C1QTNF3: variants seen among roughly 807,000 people sequenced by gnomAD.
The protein encoded by C1QTNF3 is C1q and TNF related 3, also known as complement C1q tumor necrosis factor-related protein 3.
Under a neutral mutation model 32.6 loss-of-function variants are expected in C1QTNF3, and 26 were observed. The observed-to-expected ratio is 0.80, with a 90% CI of 0.58 to 1.11. The LOEUF (loss-of-function observed/expected upper bound fraction) is 1.11, where lower values mean the gene tolerates loss of function less well. Among genes scored for constraint, C1QTNF3 ranks in the 50% least tolerant of loss-of-function variants. The pLI is 0.00. For synonymous variants in C1QTNF3, 155 were observed against 146.0 expected, an observed-to-expected ratio of 1.06 and a Z score of -0.44; for missense variants, 362 against 398.2, an observed-to-expected ratio of 0.91 and a Z score of 0.77.
At chr5:34,062,904 G>A in the C1QTNF3 span, among the ~76,000 whole-genome samples, 1 of 152,328 alleles carries the variant, frequency 6.6e-6, no homozygotes, top group African/African-American at 2.4e-5. Flanking sequence ...CTGGTGAGGT[G>A]TGCTCCCAAT....
chr5:34,059,632 C>G, the C1QTNF3 span, among the ~76,000 whole-genome samples: 2 of 152,154 alleles, frequency 1.3e-5, no homozygotes. Flanking sequence ...CCCTCATGAC[C>G]TAATCACCTC....
chr5:34,114,651 T>G, the C1QTNF3 span, among the ~76,000 whole-genome samples: 1 of 152,182 alleles, frequency 6.6e-6, no homozygotes, highest in Non-Finnish European at 1.5e-5. Flanking sequence ...GCTTTTCCTT[T>G]TTGCTCAATT....
chr5:34,138,389 C>A, the C1QTNF3 span, among the ~76,000 whole-genome samples: 5 of 152,024 alleles, frequency 3.3e-5, no homozygotes, highest in Admixed American at 6.6e-5. Context: ...CCATAAATTA[C>A]AGAAAAATAT....
chr5:34,154,853 T>C, the C1QTNF3 span, among the ~76,000 whole-genome samples: 1 of 152,180 alleles, frequency 6.6e-6, no homozygotes, highest in African/African-American at 2.4e-5. Context: ...TCTCTGGGCA[T>C]GAACCTGAGT....
chr5:34,117,364 C>G, the C1QTNF3 span, among the ~76,000 whole-genome samples: 1 of 152,140 alleles, frequency 6.6e-6, no homozygotes, highest in Non-Finnish European at 1.5e-5. Flanking sequence ...TGTAACACAG[C>G]AGTTTTATTT....
the C1QTNF3 span, among the ~76,000 whole-genome samples, chr5:34,075,879 GTGT>G: frequency 2.1e-3 from 57 of 27,272 alleles, no homozygotes; most frequent in African/African-American, 5.4e-3. Context: ...CAATTATGGT[GTGT>G]GTGTGTGTGT....
chr5:34,166,262 G>C, the C1QTNF3 span: 1 of 151,896 alleles, frequency 6.6e-6, no homozygotes, highest in African/African-American at 2.4e-5. Flanking sequence ...TTAATGCTGA[G>C]TGCAAAATTG....
At chr5:34,174,175 A>C in the C1QTNF3 span, among the ~76,000 whole-genome samples, 1 of 152,196 alleles carries the variant, frequency 6.6e-6, no homozygotes. Flanking sequence ...CTCATGCCTC[A>C]GCCTCCTGAG....
At chr5:34,103,388 A>G in the C1QTNF3 span, among the ~76,000 whole-genome samples, 5 of 151,518 alleles carry the variant, frequency 3.3e-5, no homozygotes, top group Admixed American at 6.6e-5. Flanking sequence ...TGCAGCCTCA[A>G]ACTCCTGGCC....
chr5:34,209,613 T>C, the C1QTNF3 span, among the ~76,000 whole-genome samples: 3 of 152,190 alleles, frequency 2.0e-5, no homozygotes, highest in African/African-American at 7.2e-5. Context: ...TCTCTAGCAA[T>C]AGCTAACAGA....
At chr5:34,243,747 A>G in the C1QTNF3 span, among the ~76,000 whole-genome samples, 3 of 151,850 alleles carry the variant, frequency 2.0e-5, no homozygotes, top group African/African-American at 7.3e-5. Context: ...CTCACTTATA[A>G]GTGGAACCTA....
chr5:34,141,125 T>G, the C1QTNF3 span, among the ~76,000 whole-genome samples: 1 of 152,038 alleles, frequency 6.6e-6, no homozygotes, highest in African/African-American at 2.4e-5. Flanking sequence ...TGACTCCTTC[T>G]TCTTTTTTTT....
chr5:34,029,696 A>G (rs1754563031), intron 3 of C1QTNF3, among the ~76,000 whole-genome samples: 1 of 152,244 alleles, frequency 6.6e-6, no homozygotes, highest in South Asian at 2.1e-4. Context: ...TTCTTGGTAG[A>G]AGTTTCATGG....
the C1QTNF3 span, among the ~76,000 whole-genome samples, chr5:34,113,436 C>G: frequency 6.6e-6 from 1 of 151,634 alleles, no homozygotes; most frequent in East Asian, 2.0e-4. Context: ...AAGATCAAGT[C>G]AGAATATGTT....
chr5:34,021,686 T>C (rs1342161945), intron 5 of C1QTNF3, among the ~76,000 whole-genome samples: 2 of 152,174 alleles, frequency 1.3e-5, no homozygotes, highest in Non-Finnish European at 2.9e-5. Flanking sequence ...ACACCGCATA[T>C]TCTCACTCAT....
At chr5:34,056,800 G>A in the C1QTNF3 span, among the ~76,000 whole-genome samples, 4 of 151,928 alleles carry the variant, frequency 2.6e-5, no homozygotes, top group Non-Finnish European at 5.9e-5. Context: ...TGTGAGTCTC[G>A]CACCCGGCCA....
chr5:34,083,038 TAG>T, the C1QTNF3 span, among the ~76,000 whole-genome samples: 2 of 151,558 alleles, frequency 1.3e-5, no homozygotes, highest in South Asian at 4.2e-4. Flanking sequence ...TAAGGTGATC[TAG>T]TAAGTGACAA....
chr5:34,128,075 G>A, the C1QTNF3 span, among the ~76,000 whole-genome samples: 2 of 152,166 alleles, frequency 1.3e-5, no homozygotes, highest in African/African-American at 4.8e-5. Flanking sequence ...TTGGGCCCAG[G>A]TCCTCGGTCC....
the C1QTNF3 span, among the ~76,000 whole-genome samples, chr5:34,142,607 C>A: frequency 2.0e-5 from 3 of 152,170 alleles, no homozygotes; most frequent in East Asian, 5.8e-4. Flanking sequence ...GAGTAAAGAG[C>A]CTATCTACTG....
Sources: gnomAD v4.1 joint callset for allele counts (sites outside exome capture counted in the v4.1 genomes callset) on GRCh38, gnomAD v4.1.1 for gene constraint, MANE v1.5 for transcripts, NCBI Gene and HGNC (gene_info 2026-07-23, HGNC 2026-07-21) for gene names.